TERF2IP: variants seen among roughly 807,000 people sequenced by gnomAD.
TERF2IP encodes the protein TERF2 interacting protein.
In TERF2IP, 35 loss-of-function variants were observed where a neutral mutation model predicts 33.3. The ratio of observed to expected loss-of-function variants is 1.05; its 90% CI spans 0.80 to 1.39. The LOEUF (loss-of-function observed/expected upper bound fraction) is 1.39, where lower values mean the gene tolerates loss of function less well. Among genes scored for constraint, TERF2IP ranks in the 40% most tolerant of loss-of-function variants. The pLI is 0.00. For synonymous variants in TERF2IP, 253 were observed against 223.2 expected, an observed-to-expected ratio of 1.13 and a Z score of -1.19; for missense variants, 583 against 524.8, an observed-to-expected ratio of 1.11 and a Z score of -1.08.
chr16:75,648,228 G>T lies in TERF2IP; in HGVS notation c.346G>T (p.Gly116Trp), dbSNP rs367749459. 39 of 1,544,702 alleles carry T rather than the reference G, an allele frequency of 2.5e-5. No individual in the cohort carries two copies. Among genetic ancestry groups the T allele is most frequent in the Non-Finnish European group, 3.3e-5 (38 of 1,145,576 alleles). Residue 116 changes from glycine to tryptophan, a missense_variant, in exon 1 of 3, where the codon GGG (glycine) becomes TGG (tryptophan). Physicochemically the swap from Gly to Trp is radical, Grantham distance 184 (BLOSUM62 -2). Coordinates refer to ENST00000300086, the MANE Select transcript of TERF2IP (RefSeq NM_018975.4). The part of the protein sequence containing the change: ...AADTGSEAKP[G>W]ALAEGAAEPE... ...GGACACCGGCTCGGAAGCAAAGCCC[G>T]GGGCCCTGGCCGAGGGCGCCGCGGA... is the stretch of plus-strand genomic sequence containing the variant.
chr16:75,648,630 C>T (rs1013833051), intron 1 of TERF2IP, 78 bp downstream of exon 1: 1 of 1,444,902 alleles, frequency 6.9e-7, no homozygotes. Context: ...GCCTGGCGTC[C>T]ATCTTGGCAT....
chr16:75,653,362 T>C (rs756328492), intron 1 of TERF2IP, among the ~76,000 whole-genome samples: 2 of 152,228 alleles, frequency 1.3e-5, no homozygotes, highest in Admixed American at 6.5e-5. Context: ...TGAAATTATA[T>C]TGAATTTTTT....
At chr16:75,654,972 C>T (rs1031295763) in intron 2 of TERF2IP, among the ~76,000 whole-genome samples, 12 of 151,970 alleles carry the variant, frequency 7.9e-5, no homozygotes, top group Admixed American at 2.0e-4. Context: ...TCGTGATCCG[C>T]CCGCCTTGGC....
chr16:75,656,431 T>C lies in TERF2IP; in HGVS notation c.1020T>C (p.Ser340=), dbSNP rs2082386807. The change falls in exon 3 of 3, where the codon AGT becomes AGC. Residue 340 remains serine (S), a synonymous_variant. Transcript: ENST00000300086. ...TTACACAGGCCTTCCTAAAAAATAGTGGTGAGCTGGAGGCTACTTCCGCCT... is the reference window on the plus strand; with the variant it reads ...TTACACAGGCCTTCCTAAAAAATAGCGGTGAGCTGGAGGCTACTTCCGCCT... ...STVTQAFLKN[S]GELEATSAFL... is the part of the protein sequence containing the mutation. 1 of 1,614,000 alleles carries C rather than the reference T, an allele frequency of 6.2e-7. No individual in the cohort carries two copies. The highest frequency in any genetic ancestry group is 1.1e-5 in the South Asian group (1 of 91,080).
intron 2 of TERF2IP, among the ~76,000 whole-genome samples, chr16:75,654,709 T>C (rs554097460): frequency 2.8e-4 from 43 of 152,304 alleles, no homozygotes; most frequent in Admixed American, 2.4e-3. Flanking sequence ...CAATATATTT[T>C]TCAAAAAGTT....
Position 75,648,039 on chromosome 16 carries a change from G to A in TERF2IP, c.157G>A (p.Val53Met), listed in dbSNP as rs778592091. 5 of 1,608,860 alleles carry A rather than the reference G, an allele frequency of 3.1e-6. No individual in the cohort carries two copies. The highest frequency in any genetic ancestry group is 3.4e-6 in the Non-Finnish European group (4 of 1,177,920). ...GCTCATCCTGCACGGCGGCGGCACC[G>A]TGTGCCGAGTGCAGGAGCCCGGGGC... The part of the protein sequence containing the change: ...STLILHGGGT[V>M]CRVQEPGAVL... Residue 53 changes from valine (V) to methionine (M), a missense_variant, in exon 1 of 3, where the codon GTG (valine) becomes ATG (methionine). Coordinates refer to ENST00000300086, the MANE Select transcript of TERF2IP (RefSeq NM_018975.4).
rs1288493173 is a variant in TERF2IP, at chr16:75,656,355, T to A, written c.944T>A (p.Ile315Asn). ...KVSQPEVGAA[I>N]KIIRQLMEKF... The stretch of plus-strand genomic sequence containing the variant: ...TCTCAACCAGAGGTGGGAGCTGCCA[T>A]TAAGATCATTCGGCAGTTAATGGAG... Residue 315 changes from isoleucine to asparagine, a missense_variant, in exon 3 of 3, where the codon ATT (isoleucine) becomes AAT (asparagine). By Grantham distance (149) the Ile-to-Asn change is moderately radical. Transcript: ENST00000300086. 1 of 1,614,056 alleles carries A rather than the reference T, an allele frequency of 6.2e-7. No individual in the cohort carries two copies. Among genetic ancestry groups the A allele is most frequent in the Non-Finnish European group, 8.5e-7 (1 of 1,180,026 alleles).
Position 75,656,789 on chromosome 16 carries a change from A to C in TERF2IP, c.*178A>C, listed in dbSNP as rs1224152474. On this transcript the variant is annotated 3_prime_UTR_variant, in exon 3 of 3. Coordinates refer to ENST00000300086, the MANE Select transcript of TERF2IP (RefSeq NM_018975.4). Reference sequence around the variant, plus strand: ...CCAAGCAGAGTTGTAGAGGGGGATAAAAAGAAAAGAAATTGGATGTATTTA... The same window carrying C: ...CCAAGCAGAGTTGTAGAGGGGGATACAAAGAAAAGAAATTGGATGTATTTA... 3.3e-6 allele frequency: 2 copies of C among 603,820 alleles called. No individual in the cohort carries two copies. Among genetic ancestry groups the C allele is most frequent in the African/African-American group, 3.7e-5 (2 of 53,900 alleles). 37.4% of individuals were successfully genotyped at this position (603,820 alleles called of 1,614,324 possible). A position where few individuals can be genotyped will look rare whatever the true frequency, so the allele number is the denominator to read the frequency against.
Position 75,647,876 on chromosome 16 carries a change from G to C in TERF2IP, c.-7G>C, listed in dbSNP as rs773512690. On this transcript the variant is annotated 5_prime_UTR_variant, in exon 1 of 3. Coordinates refer to ENST00000300086, the MANE Select transcript of TERF2IP (RefSeq NM_018975.4). ...GGTAGCTCTTCTAGTAGTGCTCGGC[G>C]TCAGACATGGCGGAGGCGATGGATT... 4 of 1,602,632 alleles carry C rather than the reference G, an allele frequency of 2.5e-6. No individual in the cohort carries two copies. In the African/African-American group the frequency reaches 5.4e-5, roughly 21 times the overall value.
At chr16:75,649,847 C>T (rs563780957) in intron 1 of TERF2IP, among the ~76,000 whole-genome samples, 1 of 152,218 alleles carries the variant, frequency 6.6e-6, no homozygotes, top group Admixed American at 6.5e-5. Context: ...GGATACAGAA[C>T]GAGTCTGTTA....
At position 75,657,286 on chromosome 16, in the gene TERF2IP, GTGTTAAGAATAA is replaced by G. The variant is rs2082394278; in HGVS notation, c.*681_*692del. ...TAAAACGCGCACACAACTCTAGAGA[GTGTTAAGAATAA>G]TGTTACTTGGTTAATGTGTTATTTA... On this transcript the variant is annotated 3_prime_UTR_variant, in exon 3 of 3. Coordinates refer to ENST00000300086, the MANE Select transcript of TERF2IP (RefSeq NM_018975.4). 6.6e-6 allele frequency: 1 copy of G among 152,158 alleles called. No homozygotes were observed. The highest frequency in any genetic ancestry group is 1.5e-5 in the Non-Finnish European group (1 of 68,054). The allele number at this position is 152,158 out of a possible 1,614,324, so 9.4% of individuals were successfully genotyped here.
intron 2 of TERF2IP, among the ~76,000 whole-genome samples, chr16:75,654,706 T>C (rs1343814262): frequency 6.6e-6 from 1 of 152,178 alleles, no homozygotes; most frequent in Non-Finnish European, 1.5e-5. Flanking sequence ...TGTCAATATA[T>C]TTTTCAAAAA....
Position 75,648,262 on chromosome 16 carries a change from C to T in TERF2IP, c.380C>T (p.Pro127Leu). 6.5e-7 allele frequency: 1 copy of T among 1,548,224 alleles called. No individual in the cohort carries two copies. The highest frequency in any genetic ancestry group is 8.7e-7 in the Non-Finnish European group (1 of 1,145,700). Residue 127 changes from proline (P) to leucine (L), a missense_variant, in exon 1 of 3, where the codon CCG (proline) becomes CTG (leucine). Physicochemically the swap from Pro to Leu is moderately conservative, Grantham distance 98. Coordinates refer to ENST00000300086, the MANE Select transcript of TERF2IP (RefSeq NM_018975.4). ...ALAEGAAEPE[P>L]QRHAGRIAFT... The stretch of plus-strand genomic sequence containing the variant: ...GCCGAGGGCGCCGCGGAGCCGGAGC[C>T]GCAGCGGCACGCCGGGCGGATCGCC...
intron 1 of TERF2IP, among the ~76,000 whole-genome samples, chr16:75,649,699 T>G (rs2082332967): frequency 6.6e-6 from 1 of 152,188 alleles, no homozygotes; most frequent in African/African-American, 2.4e-5. Context: ...GTACCAGACT[T>G]ACTTTAATGC....
chr16:75,654,543 CTGATCTGGGCTTCAGACA>C (rs913612543), intron 2 of TERF2IP, 146 bp downstream of exon 2: 24 of 857,762 alleles, frequency 2.8e-5, no homozygotes, highest in Non-Finnish European at 4.1e-5. Context: ...GAAAATGGGA[CTGATCTGGGCTTCAGACA>C]TGTTGCCCTG....
chr16:75,654,314 T>C lies in TERF2IP; in HGVS notation c.712T>C (p.Tyr238His). The C allele has an allele frequency of 6.2e-7, 1 of 1,613,720 alleles. No individual in the cohort carries two copies. ...AACTCCAGATTTGCCTGAAGAAGAG[T>C]ATGTGAAGGAAGAAATCCAGGAGAA... ...KRTPDLPEEE[Y>H]VKEEIQENEE... Residue 238 changes from tyrosine (Y) to histidine (H), a missense_variant, in exon 2 of 3, where the codon TAT (tyrosine) becomes CAT (histidine). Transcript: ENST00000300086.
Position 75,656,192 on chromosome 16 carries a change from C to T in TERF2IP, c.796-15C>T, listed in dbSNP as rs2082384080. 3 of 1,570,706 alleles carry T rather than the reference C, an allele frequency of 1.9e-6. No homozygotes were observed. Among genetic ancestry groups the T allele is most frequent in the Non-Finnish European group, 1.7e-6 (2 of 1,160,454 alleles). Reference sequence around the variant, plus strand: ...TTGGTGATTAGGAGCTGGTTTTACTCATCATTCTGTCTAGGTGGATGAGAG... The same window carrying T: ...TTGGTGATTAGGAGCTGGTTTTACTTATCATTCTGTCTAGGTGGATGAGAG... On this transcript the variant is annotated splice_polypyrimidine_tract_variant and intron_variant, in intron 2 of 2. Coordinates refer to ENST00000300086, the MANE Select transcript of TERF2IP (RefSeq NM_018975.4).
chr16:75,648,099 G>A lies in TERF2IP; in HGVS notation c.217G>A (p.Glu73Lys), dbSNP rs762174244. ...LLAQPGEALA[E>K]ASGDFISTQY... The stretch of plus-strand genomic sequence containing the variant: ...GGCCCAGCCCGGGGAGGCGCTGGCC[G>A]AGGCCTCGGGTGATTTCATCTCCAC... The change falls in exon 1 of 3, where the codon GAG becomes AAG. Residue 73 changes from glutamate (E) to lysine (K), a missense_variant. Physicochemically the swap from Glu to Lys is moderately conservative, Grantham distance 56. Transcript: ENST00000300086. The A allele has an allele frequency of 1.3e-6, 2 of 1,558,258 alleles. No individual in the cohort carries two copies. Among genetic ancestry groups the A allele is most frequent in the East Asian group, 4.7e-5 (2 of 42,708 alleles).
Position 75,648,404 on chromosome 16 carries a change from G to A in TERF2IP, c.522G>A (p.Gln174=). The stretch of plus-strand genomic sequence containing the variant: ...CGATGGAGAAGAGCTCGCTCACGCA[G>A]CACTCGTGGCAGTCCCTGAAGGACC... The part of the protein sequence containing the change: ...WKAMEKSSLT[Q]HSWQSLKDRY... Residue 174 remains glutamine (Q), a synonymous_variant, in exon 1 of 3, where the codon CAG becomes CAA. Coordinates refer to ENST00000300086, the MANE Select transcript of TERF2IP (RefSeq NM_018975.4). 2 of 1,607,386 alleles carry A rather than the reference G, an allele frequency of 1.2e-6. No individual in the cohort carries two copies. Among genetic ancestry groups the A allele is most frequent in the Non-Finnish European group, 1.7e-6 (2 of 1,177,394 alleles).
Sources: gnomAD v4.1 joint callset for allele counts (sites outside exome capture counted in the v4.1 genomes callset) on GRCh38, gnomAD v4.1.1 for gene constraint, MANE v1.5 for transcripts, NCBI Gene and HGNC (gene_info 2026-07-23, HGNC 2026-07-21) for gene names.